The following CTNND2 variants were observed in gnomAD, a reference collection of about 807,000 sequenced individuals.
The protein encoded by CTNND2 is catenin delta-2.
In CTNND2, 22 loss-of-function variants were observed where a neutral mutation model predicts 144.4. The observed-to-expected ratio is 0.15, with a 90% CI of 0.11 to 0.22. CTNND2 has a LOEUF of 0.22. Ranked by LOEUF, CTNND2 falls within the 10% of genes least tolerant of loss-of-function variation. The pLI, the probability that CTNND2 is intolerant of heterozygous loss-of-function variation, is 1.00. For missense variants in CTNND2, 1,353 were observed against 1,618.8 expected (o/e 0.84, Z 2.82); for synonymous variants, 751 against 695.6 (o/e 1.08, Z -1.25).
intron 18 of CTNND2, among the ~76,000 whole-genome samples, chr5:11,013,966 G>A (rs1410187400): frequency 3.3e-5 from 5 of 152,186 alleles, no homozygotes; most frequent in Admixed American, 2.6e-4. Flanking sequence ...TACACAGGCA[G>A]GAATGATGTT....
chr5:11,233,616 T>C (rs1741282372), intron 10 of CTNND2, among the ~76,000 whole-genome samples: 1 of 152,192 alleles, frequency 6.6e-6, no homozygotes, highest in South Asian at 2.1e-4. Flanking sequence ...CAGGCAGCCA[T>C]CTGTCACAAA....
chr5:11,427,295 T>G (rs1762865501), intron 3 of CTNND2, among the ~76,000 whole-genome samples: 1 of 144,652 alleles, frequency 6.9e-6, no homozygotes, highest in Admixed American at 6.8e-5. Flanking sequence ...TTTTTTTTTT[T>G]GAGACAGAGT....
At chr5:11,298,195 T>C (rs1749216085) in intron 9 of CTNND2, among the ~76,000 whole-genome samples, 1 of 152,238 alleles carries the variant, frequency 6.6e-6, no homozygotes, top group African/African-American at 2.4e-5. Context: ...TTTTTTCTTT[T>C]GAGACAGGGT....
intron 1 of CTNND2, among the ~76,000 whole-genome samples, chr5:11,836,717 T>C (rs1267660378): frequency 6.6e-6 from 1 of 152,152 alleles, no homozygotes; most frequent in African/African-American, 2.4e-5. Flanking sequence ...AGCACAAAAT[T>C]ATTTTAAAGT....
intron 1 of CTNND2, among the ~76,000 whole-genome samples, chr5:11,849,467 C>T (rs1794913236): frequency 6.6e-6 from 1 of 152,108 alleles, no homozygotes; most frequent in South Asian, 2.1e-4. Flanking sequence ...CTGTAAATTC[C>T]ACATTTCCTA....
chr5:11,259,578 T>C (rs1744649728), intron 9 of CTNND2, among the ~76,000 whole-genome samples: 1 of 152,230 alleles, frequency 6.6e-6, no homozygotes, highest in Non-Finnish European at 1.5e-5. Context: ...AGGTGAAGAT[T>C]CACTGTTCTT....
chr5:11,870,676 G>T (rs1735033348), intron 1 of CTNND2, among the ~76,000 whole-genome samples: 2 of 152,330 alleles, frequency 1.3e-5, no homozygotes, highest in South Asian at 4.2e-4. Context: ...GAATGGTTTG[G>T]TCCTTGCTGT....
intron 1 of CTNND2, among the ~76,000 whole-genome samples, chr5:11,862,760 A>G (rs1249391971): frequency 1.3e-5 from 2 of 152,200 alleles, no homozygotes; most frequent in African/African-American, 2.4e-5. Context: ...CCTTTGAGAC[A>G]TTGGCCAGCT....
At chr5:11,551,203 C>T (rs1425032460) in intron 3 of CTNND2, among the ~76,000 whole-genome samples, 1 of 152,072 alleles carries the variant, frequency 6.6e-6, no homozygotes, top group Non-Finnish European at 1.5e-5. Flanking sequence ...CACCAGTGTA[C>T]CCCATCGGCT....
chr5:11,031,025 G>A (rs546649363), intron 16 of CTNND2, among the ~76,000 whole-genome samples: 1 of 152,082 alleles, frequency 6.6e-6, no homozygotes, highest in African/African-American at 2.4e-5. Flanking sequence ...GAGTTTCCCT[G>A]GGCATGCATA....
In CTNND2 at chr5:11,538,702, A is replaced by T. The variant is rs146277044; in HGVS notation, c.287+26242T>A. Among the ~76,000 whole-genome samples, 1,109 of 152,262 alleles carry T rather than the reference A, an allele frequency of 7.3e-3. 16 individuals carry two copies. The highest frequency in any genetic ancestry group is 0.026 in the African/African-American group (1,073 of 41,554). Reference sequence around the variant, plus strand: ...GATGTTTAATGACGAGAATGTGAGTAATTGATTTCTTGGTGTCCTGTTAGT... The same window carrying T: ...GATGTTTAATGACGAGAATGTGAGTTATTGATTTCTTGGTGTCCTGTTAGT... On this transcript the variant is annotated intron_variant, in intron 3 of 21. Transcript: ENST00000304623.
intron 7 of CTNND2, among the ~76,000 whole-genome samples, chr5:11,374,904 C>T (rs974061898): frequency 6.7e-6 from 1 of 148,818 alleles, no homozygotes. Context: ...GGGAACTAAG[C>T]TAAGTATTCA....
At chr5:11,155,378 C>A (rs1013529866) in intron 12 of CTNND2, among the ~76,000 whole-genome samples, 2 of 152,200 alleles carry the variant, frequency 1.3e-5, no homozygotes, top group African/African-American at 2.4e-5. Context: ...AAAATAACCT[C>A]ATTTATTCTT....
At chr5:11,593,277 T>C (rs1299145936) in intron 2 of CTNND2, among the ~76,000 whole-genome samples, 1 of 152,196 alleles carries the variant, frequency 6.6e-6, no homozygotes, top group Non-Finnish European at 1.5e-5. Flanking sequence ...AAAGTGAAAG[T>C]ACACTAATGG....
chr5:11,740,081 G>C (rs1787914942), intron 1 of CTNND2, among the ~76,000 whole-genome samples: 1 of 152,174 alleles, frequency 6.6e-6, no homozygotes, highest in African/African-American at 2.4e-5. Flanking sequence ...TCATGGATAG[G>C]AAGAATCAGT....
intron 9 of CTNND2, among the ~76,000 whole-genome samples, chr5:11,318,485 C>A (rs1051438860): frequency 6.6e-6 from 1 of 152,156 alleles, no homozygotes; most frequent in East Asian, 1.9e-4. Flanking sequence ...AGGATGGGCA[C>A]CCCAATCCTA....
At chr5:11,902,726 A>G (rs1738008014) in intron 1 of CTNND2, among the ~76,000 whole-genome samples, 2 of 152,184 alleles carry the variant, frequency 1.3e-5, no homozygotes, top group Non-Finnish European at 2.9e-5. Context: ...ATACATCTTA[A>G]TAACACCTGC....
intron 5 of CTNND2, among the ~76,000 whole-genome samples, chr5:11,400,383 A>G (rs1204965967): frequency 6.6e-6 from 1 of 152,182 alleles, no homozygotes; most frequent in African/African-American, 2.4e-5. Flanking sequence ...CACAGAGAGC[A>G]GAAGCCATGG....
intron 16 of CTNND2, among the ~76,000 whole-genome samples, chr5:11,079,762 C>A (rs893744590): frequency 6.6e-6 from 1 of 152,166 alleles, no homozygotes; most frequent in Admixed American, 6.5e-5. Flanking sequence ...TTGAAAATCA[C>A]AACCCTAAAC....
Sources: allele counts gnomAD v4.1 joint callset (sites outside exome capture counted in the v4.1 genomes callset), GRCh38; gene constraint gnomAD v4.1.1; transcripts MANE v1.5; gene names NCBI Gene and HGNC (gene_info 2026-07-23, HGNC 2026-07-21).